XYLT1: variants seen among roughly 807,000 people sequenced by gnomAD.
The protein encoded by XYLT1 is beta-D-xylosyltransferase 1.
In XYLT1, 36 loss-of-function variants were observed where a neutral mutation model predicts 91.3. The ratio of observed to expected loss-of-function variants is 0.39; its 90% CI spans 0.30 to 0.52. The LOEUF (loss-of-function observed/expected upper bound fraction) is 0.52. Ranked by LOEUF, XYLT1 falls within the 20% of genes least tolerant of loss-of-function variation. The pLI, the probability that XYLT1 is intolerant of heterozygous loss-of-function variation, is 0.68. For synonymous variants in XYLT1, 588 were observed against 532.0 expected (o/e 1.11, Z -1.45); for missense variants, 1,242 against 1,284.5 (o/e 0.97, Z 0.51).
At chr16:17,208,032 G>A (rs1178912137) in intron 3 of XYLT1, among the ~76,000 whole-genome samples, 1 of 151,768 alleles carries the variant, frequency 6.6e-6, no homozygotes, top group Non-Finnish European at 1.5e-5. Context: ...TGTAACCCAG[G>A]CTGGAGTGCA....
chr16:17,386,791 T>C (rs921582126), intron 1 of XYLT1, among the ~76,000 whole-genome samples: 1 of 152,200 alleles, frequency 6.6e-6, no homozygotes, highest in Non-Finnish European at 1.5e-5. Context: ...ATGACATGCA[T>C]TACCTCATCT....
chr16:17,365,102 C>G (rs2035434705), intron 1 of XYLT1, among the ~76,000 whole-genome samples: 1 of 152,214 alleles, frequency 6.6e-6, no homozygotes, highest in African/African-American at 2.4e-5. Flanking sequence ...TGTTCACGCT[C>G]TGCACCCCCA....
chr16:17,405,939 C>T (rs572997904), intron 1 of XYLT1, among the ~76,000 whole-genome samples: 5 of 152,286 alleles, frequency 3.3e-5, no homozygotes, highest in Admixed American at 3.3e-4. Context: ...AATCCCAGCA[C>T]TTTGGGAGGC....
chr16:17,194,208 G>C (rs1308817369), intron 5 of XYLT1: 4 of 152,208 alleles, frequency 2.6e-5, no homozygotes, highest in African/African-American at 9.7e-5. Context: ...ATTGTATCCT[G>C]ATTTCACAGA....
intron 2 of XYLT1, among the ~76,000 whole-genome samples, chr16:17,271,183 G>C (rs1259235744): frequency 1.4e-5 from 2 of 147,160 alleles, no homozygotes; most frequent in Admixed American, 1.4e-4. Context: ...TTGTTTTTAA[G>C]TGTCCCGAAG....
At chr16:17,229,089 C>G (rs1345364079) in intron 3 of XYLT1, among the ~76,000 whole-genome samples, 1 of 152,186 alleles carries the variant, frequency 6.6e-6, no homozygotes, top group Non-Finnish European at 1.5e-5. Context: ...CCTGCCTCAG[C>G]CTCCCAAGTA....
intron 1 of XYLT1, among the ~76,000 whole-genome samples, chr16:17,430,880 A>C: frequency 6.6e-6 from 1 of 152,248 alleles, no homozygotes; most frequent in East Asian, 1.9e-4. Flanking sequence ...TATCTAAAGT[A>C]AACTGGGGCT....
chr16:17,200,440 C>T, intron 4 of XYLT1, 42 bp downstream of exon 4: 1 of 1,593,250 alleles, frequency 6.3e-7, no homozygotes, highest in Middle Eastern at 1.7e-4. Flanking sequence ...CGGACAGACC[C>T]CGAAGAAAGC....
chr16:17,263,093 T>C (rs1203365953), intron 2 of XYLT1, among the ~76,000 whole-genome samples: 3 of 152,150 alleles, frequency 2.0e-5, no homozygotes, highest in African/African-American at 4.8e-5. Context: ...ATCTTCGTTT[T>C]CTCTCTTCAG....
intron 3 of XYLT1, among the ~76,000 whole-genome samples, chr16:17,213,231 T>A (rs930984265): frequency 1.3e-5 from 2 of 152,140 alleles, no homozygotes; most frequent in South Asian, 2.1e-4. Flanking sequence ...CTGTAAGACA[T>A]ACCTACATCC....
At chr16:17,454,538 A>ATTT (rs67567053) in intron 1 of XYLT1, among the ~76,000 whole-genome samples, 1 of 145,348 alleles carries the variant, frequency 6.9e-6, no homozygotes. Context: ...TATGATCGCA[A>ATTT]TTTTTTTTTT....
chr16:17,434,871 G>GAA (rs567413041), intron 1 of XYLT1, among the ~76,000 whole-genome samples: 9 of 131,272 alleles, frequency 6.9e-5, no homozygotes, highest in East Asian at 2.2e-4. Flanking sequence ...CTGTCTCTAA[G>GAA]AAAAAAAAAA....
chr16:17,198,365 C>G lies in XYLT1; in HGVS notation c.1136G>C (p.Ser379Thr). Reference sequence around the variant, plus strand: ...TCTCCAGGGGGTGACGCGGACATTGCTGTACTGCCTGGAGACCTGGAGCAC... The same window carrying G: ...TCTCCAGGGGGTGACGCGGACATTGGTGTACTGCCTGGAGACCTGGAGCAC... ...RQVLQVSRQYSNVRVTPWRMA... is the reference protein window; with the variant it reads ...RQVLQVSRQYTNVRVTPWRMA... The change falls in exon 5 of 12, where the codon AGC (serine) becomes ACC (threonine). Residue 379 changes from serine to threonine, a missense_variant. Around this residue, in one of 3 missense-constraint regions of XYLT1, gnomAD observed 294 missense variants for 376.0 expected, o/e 0.78. Transcript: ENST00000261381. 6.2e-7 allele frequency: 1 copy of G among 1,614,202 alleles called. No individual in the cohort carries two copies. The highest frequency in any genetic ancestry group is 8.5e-7 in the Non-Finnish European group (1 of 1,180,026).
At chr16:17,451,689 C>A (rs2036667636) in intron 1 of XYLT1, among the ~76,000 whole-genome samples, 1 of 152,176 alleles carries the variant, frequency 6.6e-6, no homozygotes, top group Non-Finnish European at 1.5e-5. Context: ...TCCAAACCAA[C>A]AAGGTCGGCT....
intron 2 of XYLT1, 144 bp from the exon 3 acceptor site, chr16:17,259,642 G>A (rs1014520919): frequency 2.9e-5 from 28 of 963,546 alleles, no homozygotes; most frequent in Admixed American, 5.6e-5. Flanking sequence ...TTAACCTCTG[G>A]TAAGATGGCT....
chr16:17,108,721 C>T lies in XYLT1; in HGVS notation c.2854G>A (p.Val952Ile). The T allele has an allele frequency of 6.3e-7, 1 of 1,587,854 alleles. No individual in the cohort carries two copies. The highest frequency in any genetic ancestry group is 8.6e-7 in the Non-Finnish European group (1 of 1,168,600). ...SPDPKSELGAVKPDGRLR is the reference protein window; with the variant it reads ...SPDPKSELGAIKPDGRLR The stretch of plus-strand genomic sequence containing the variant: ...TACCTGAGCCGGCCATCAGGTTTGA[C>T]TGCCCCCAGCTCCGACTTGGGGTCA... Residue 952 changes from valine (V) to isoleucine (I), a missense_variant, in exon 12 of 12, where the codon GTC becomes ATC. This residue lies in a region of XYLT1 where 511 missense variants were observed against 497.0 expected (regional missense o/e 1.03). Coordinates refer to ENST00000261381, the MANE Select transcript of XYLT1 (RefSeq NM_022166.4).
intron 2 of XYLT1, among the ~76,000 whole-genome samples, chr16:17,271,967 C>T (rs2033901121): frequency 6.6e-6 from 1 of 151,914 alleles, no homozygotes. Flanking sequence ...GAAGGGTATT[C>T]CAGAGGGGAC....
At chr16:17,440,180 G>C in intron 1 of XYLT1, among the ~76,000 whole-genome samples, 1 of 152,208 alleles carries the variant, frequency 6.6e-6, no homozygotes, top group South Asian at 2.1e-4. Context: ...TAACAACTAC[G>C]TAAGTGAATT....
chr16:17,441,542 C>T (rs945481937), intron 1 of XYLT1, among the ~76,000 whole-genome samples: 3 of 151,500 alleles, frequency 2.0e-5, no homozygotes, highest in African/African-American at 7.3e-5. Flanking sequence ...TCCCTATCGC[C>T]CTGCACCTGT....
Sources: allele counts gnomAD v4.1 joint callset (sites outside exome capture counted in the v4.1 genomes callset), GRCh38; gene constraint gnomAD v4.1.1; regional missense constraint gnomAD v4.1.1; transcripts MANE v1.5; gene names NCBI Gene and HGNC (gene_info 2026-07-23, HGNC 2026-07-21).